PCDH15: variants seen among roughly 807,000 people sequenced by gnomAD.
PCDH15 encodes protocadherin-15.
PCDH15 carries 129 observed loss-of-function variants against 178.5 expected under a neutral mutation model. The observed-to-expected ratio is 0.72, with a 90% CI of 0.63 to 0.84. The LOEUF (loss-of-function observed/expected upper bound fraction) is 0.84. Among genes scored for constraint, PCDH15 ranks in the 40% least tolerant of loss-of-function variants. PCDH15 has a pLI of 0.00. For synonymous variants in PCDH15, 800 were observed against 732.0 expected (o/e 1.09, Z -1.50); for missense variants, 2,230 against 2,099.9 (o/e 1.06, Z -1.21).
At chr10:54,077,844 T>A (rs778738220) in intron 17 of PCDH15, among the ~76,000 whole-genome samples, 3 of 152,040 alleles carry the variant, frequency 2.0e-5, no homozygotes, top group Non-Finnish European at 2.9e-5. Context: ...GGGTGGATCA[T>A]CTGAGGTCAG....
rs55696020 is a variant in PCDH15 at position 54,105,277 on chromosome 10, GATATATATATATATATATATATAT to G, written c.1918-15238_1918-15215del. Among the ~76,000 whole-genome samples, 49 of 90,472 alleles carry G rather than the reference GATATATATATATATATATATATAT, an allele frequency of 5.4e-4. No individual in the cohort carries two copies. In the South Asian group the frequency reaches 0.012, roughly 21 times the overall value. The allele number at this position is 90,472 out of a possible 152,430, so 59.4% of individuals were successfully genotyped here. ...ATATAGATATAGACATATAGATGGA[GATATATATATATATATATATATAT>G]ATATATATATATATATACACACACA... On this transcript the variant is annotated intron_variant, in intron 15 of 37. Coordinates refer to ENST00000644397, the MANE Select transcript of PCDH15 (RefSeq NM_001384140.1).
intron 2 of PCDH15, among the ~76,000 whole-genome samples, chr10:55,413,440 T>A (rs1838395462): frequency 1.3e-5 from 2 of 151,872 alleles, no homozygotes; most frequent in Admixed American, 6.6e-5. Flanking sequence ...ATGTTCCAAG[T>A]GTAGACTTTT....
At chr10:55,079,009 T>A (rs1408272873) in intron 2 of PCDH15, among the ~76,000 whole-genome samples, 1 of 152,184 alleles carries the variant, frequency 6.6e-6, no homozygotes, top group Non-Finnish European at 1.5e-5. Context: ...TTTCTCATTG[T>A]TTCTTTGTAT....
At chr10:55,620,709 T>C (rs1055885377) in intron 2 of PCDH15, among the ~76,000 whole-genome samples, 3 of 151,620 alleles carry the variant, frequency 2.0e-5, no homozygotes, top group Non-Finnish European at 4.4e-5. Context: ...AAGTACTAGG[T>C]TTTCAAGTAT....
chr10:54,528,149 A>G (rs557658758), intron 2 of PCDH15, among the ~76,000 whole-genome samples: 33 of 152,182 alleles, frequency 2.2e-4, no homozygotes, highest in Non-Finnish European at 4.1e-4. Flanking sequence ...GAAGTCCTTC[A>G]GGACAGAGAT....
At chr10:54,247,071 A>G (rs2056015494) in intron 8 of PCDH15, among the ~76,000 whole-genome samples, 1 of 151,920 alleles carries the variant, frequency 6.6e-6, no homozygotes, top group African/African-American at 2.4e-5. Flanking sequence ...AAATATTACA[A>G]TTCTTATGGC....
chr10:54,664,376 C>A (rs974311948), intron 1 of PCDH15, 86 bp from the exon 2 acceptor site: 20 of 833,888 alleles, frequency 2.4e-5, no homozygotes, highest in Admixed American at 4.0e-5. Flanking sequence ...ACAGAAAAGC[C>A]TTAATGACTT....
intron 15 of PCDH15, among the ~76,000 whole-genome samples, chr10:54,096,709 G>A (rs971415188): frequency 1.3e-5 from 2 of 152,050 alleles, no homozygotes; most frequent in African/African-American, 4.8e-5. Flanking sequence ...CCATTCATGA[G>A]GACTCCACTC....
At chr10:54,668,915 T>G (rs2094613251) in intron 1 of PCDH15, among the ~76,000 whole-genome samples, 1 of 152,172 alleles carries the variant, frequency 6.6e-6, no homozygotes, top group Non-Finnish European at 1.5e-5. Context: ...TCAGCCAAAT[T>G]ACTGTTATTC....
intron 3 of PCDH15, among the ~76,000 whole-genome samples, chr10:54,420,104 T>C (rs369302143): frequency 6.6e-6 from 1 of 152,000 alleles, no homozygotes; most frequent in African/African-American, 2.4e-5. Context: ...TTTTAGCAAA[T>C]AGAAAGTGGT....
At chr10:53,824,359 A>AATAAC (rs2076529438) in intron 32 of PCDH15, among the ~76,000 whole-genome samples, 1 of 152,266 alleles carries the variant, frequency 6.6e-6, no homozygotes, top group Non-Finnish European at 1.5e-5. Flanking sequence ...GCCAAAACAG[A>AATAAC]ATAACATTTA....
chr10:54,557,135 G>C (rs1354991596), intron 2 of PCDH15, among the ~76,000 whole-genome samples: 1 of 152,106 alleles, frequency 6.6e-6, no homozygotes, highest in Non-Finnish European at 1.5e-5. Context: ...GGTAATTACA[G>C]TGGGTAATCT....
chr10:54,234,694 T>A (rs534096225), intron 9 of PCDH15, among the ~76,000 whole-genome samples: 1 of 152,298 alleles, frequency 6.6e-6, no homozygotes, highest in African/African-American at 2.4e-5. Context: ...ACCCCTACAA[T>A]TCTCTTCCTT....
rs554596093 is a variant in PCDH15 at position 54,054,716 on chromosome 10, GACC to G, written c.2220+12038_2220+12040del. On this transcript the variant is annotated intron_variant, in intron 18 of 37. Transcript: ENST00000644397. The stretch of plus-strand genomic sequence containing the variant: ...GCTGCTAATTGAATATCTGAAACAT[GACC>G]ACATTTCAAAAATAGTCACAGACAT... 5.4e-3 allele frequency among the ~76,000 whole-genome samples: 823 copies of G among 152,026 alleles called. 5 individuals carry two copies. The highest frequency in any genetic ancestry group is 0.019 in the African/African-American group (769 of 41,480).
At chr10:54,722,522 T>C (rs1591284537) in intron 1 of PCDH15, among the ~76,000 whole-genome samples, 1 of 151,292 alleles carries the variant, frequency 6.6e-6, no homozygotes, top group Admixed American at 6.6e-5. Context: ...AGTTCTGCTA[T>C]GATCTTTGCC....
chr10:54,786,564 T>A (rs1372609976), intron 1 of PCDH15, among the ~76,000 whole-genome samples: 1 of 152,018 alleles, frequency 6.6e-6, no homozygotes, highest in East Asian at 1.9e-4. Flanking sequence ...ATCTGATTTA[T>A]TCATTTAATA....
At chr10:54,735,587 T>G (rs1339936721) in intron 1 of PCDH15, among the ~76,000 whole-genome samples, 1 of 141,648 alleles carries the variant, frequency 7.1e-6, no homozygotes, top group East Asian at 2.0e-4. Flanking sequence ...TGCGGCATTA[T>G]TCACAATAGC....
intron 3 of PCDH15, among the ~76,000 whole-genome samples, chr10:54,434,122 A>G (rs7078334): frequency 0.053 from 8,111 of 152,292 alleles, 728 homozygotes; most frequent in African/African-American, 0.19. Flanking sequence ...GGATATAAAG[A>G]AAGAAAATAT....
chr10:55,264,305 A>C (rs963177655), intron 1 of PCDH15, among the ~76,000 whole-genome samples: 1 of 152,174 alleles, frequency 6.6e-6, no homozygotes. Context: ...GGCAAGACCA[A>C]TTCTTGCCGA....
Sources: allele counts gnomAD v4.1 joint callset (sites outside exome capture counted in the v4.1 genomes callset), GRCh38; gene constraint gnomAD v4.1.1; transcripts MANE v1.5; gene names NCBI Gene and HGNC (gene_info 2026-07-23, HGNC 2026-07-21).